The following CSMD1 variants were observed in gnomAD, a reference collection of about 807,000 sequenced individuals.
CSMD1 encodes the protein CUB and sushi domain-containing protein 1.
Under a neutral mutation model 417.5 loss-of-function variants are expected in CSMD1, and 213 were observed. The observed-to-expected ratio is 0.51, with a 90% CI of 0.46 to 0.57. The LOEUF is 0.57. Ranked by LOEUF, CSMD1 falls within the 20% of genes least tolerant of loss-of-function variation. The pLI is 0.00. For synonymous variants in CSMD1, 2,862 were observed against 1,736.8 expected, an observed-to-expected ratio of 1.65 and a Z score of -16.11; for missense variants, 6,923 against 4,529.7, an observed-to-expected ratio of 1.53 and a Z score of -15.17.
intron 1 of CSMD1, among the ~76,000 whole-genome samples, chr8:4,706,251 T>C (rs952914743): frequency 6.6e-6 from 1 of 151,998 alleles, no homozygotes; most frequent in African/African-American, 2.4e-5. Context: ...CCACAACATA[T>C]CTGACCTAAA....
In CSMD1 at chr8:3,998,046, A is replaced by G. The variant is rs1284056094; in HGVS notation, c.675T>C (p.Pro225=). Residue 225 remains proline, a synonymous_variant, in exon 5 of 70, where the codon CCT becomes CCC. Transcript: ENST00000635120. The part of the protein sequence containing the change: ...TSSSISSPHF[P]SEYENNADCT... ...AGTCCGCGTTGTTCTCGTACTCTGA[A>G]GGGAAGTGCGGGCTGGAGATGGAGC... 3 of 1,600,952 alleles carry G rather than the reference A, an allele frequency of 1.9e-6. No homozygotes were observed. The highest frequency in any genetic ancestry group is 8.5e-7 in the Non-Finnish European group (1 of 1,173,198).
intron 8 of CSMD1, among the ~76,000 whole-genome samples, chr8:3,603,374 G>A (rs1036331964): frequency 5.3e-5 from 8 of 152,058 alleles, no homozygotes; most frequent in Admixed American, 3.3e-4. Context: ...GGGGACTTAG[G>A]CGCGGCAGGC....
At chr8:3,651,958 C>T (rs550337749) in intron 7 of CSMD1, among the ~76,000 whole-genome samples, 30 of 150,538 alleles carry the variant, frequency 2.0e-4, no homozygotes, top group Non-Finnish European at 2.8e-4. Context: ...ACCATCAGAG[C>T]GCCATCACCA....
chr8:4,718,591 T>A (rs886992345), intron 1 of CSMD1, among the ~76,000 whole-genome samples: 11 of 151,818 alleles, frequency 7.2e-5, no homozygotes, highest in African/African-American at 2.4e-4. Flanking sequence ...AAGGAGGAGA[T>A]AAACATATAG....
chr8:3,105,365 G>C (rs1002422237), intron 46 of CSMD1, among the ~76,000 whole-genome samples: 1 of 152,194 alleles, frequency 6.6e-6, no homozygotes, highest in African/African-American at 2.4e-5. Flanking sequence ...ATGCTCAAAA[G>C]CACTACATCT....
intron 2 of CSMD1, among the ~76,000 whole-genome samples, chr8:4,530,696 T>C (rs1796767191): frequency 6.6e-6 from 1 of 151,314 alleles, no homozygotes; most frequent in South Asian, 2.1e-4. Flanking sequence ...TAGGGCTGCA[T>C]AGTGTTCCAT....
At chr8:4,661,043 C>T (rs192016864) in intron 1 of CSMD1, among the ~76,000 whole-genome samples, 2 of 152,190 alleles carry the variant, frequency 1.3e-5, no homozygotes, top group East Asian at 1.9e-4. Context: ...CACAGCCACC[C>T]CGGGAAACAG....
At chr8:3,357,181 G>A (rs1463152329) in intron 21 of CSMD1, among the ~76,000 whole-genome samples, 1 of 152,126 alleles carries the variant, frequency 6.6e-6, no homozygotes, top group African/African-American at 2.4e-5. Flanking sequence ...AGGGGCTGGA[G>A]GAAAAATCAG....
chr8:3,961,892 ACTT>A (rs1231949344), intron 5 of CSMD1, among the ~76,000 whole-genome samples: 1 of 152,168 alleles, frequency 6.6e-6, no homozygotes, highest in Non-Finnish European at 1.5e-5. Flanking sequence ...CTGCCTTACG[ACTT>A]CTTGAGTCAT....
At chr8:3,374,177 C>T (rs1387325941) in intron 18 of CSMD1, among the ~76,000 whole-genome samples, 1 of 135,048 alleles carries the variant, frequency 7.4e-6, no homozygotes, top group Non-Finnish European at 1.6e-5. Context: ...TAGTCTCGAA[C>T]TCCTGACCTC....
intron 5 of CSMD1, among the ~76,000 whole-genome samples, chr8:3,919,994 T>G (rs895495255): frequency 7.3e-5 from 11 of 151,494 alleles, no homozygotes; most frequent in African/African-American, 2.7e-4. Flanking sequence ...TATACCAAAT[T>G]TTTTTTTACT....
intron 4 of CSMD1, among the ~76,000 whole-genome samples, chr8:4,023,033 C>T (rs921491647): frequency 6.6e-6 from 1 of 152,210 alleles, no homozygotes; most frequent in Non-Finnish European, 1.5e-5. Context: ...TCTTCCTGAG[C>T]TCACAGATGC....
At chr8:4,374,369 G>A (rs115701291) in intron 3 of CSMD1, among the ~76,000 whole-genome samples, 1 of 152,078 alleles carries the variant, frequency 6.6e-6, no homozygotes, top group African/African-American at 2.4e-5. Context: ...AGGTGTCAGG[G>A]GATATCAGTA....
intron 1 of CSMD1, among the ~76,000 whole-genome samples, chr8:4,976,293 T>C (rs879063537): frequency 6.6e-6 from 1 of 152,208 alleles, no homozygotes; most frequent in Non-Finnish European, 1.5e-5. Context: ...TTTACAAATG[T>C]ATGGAGTAGC....
chr8:4,768,288 G>T (rs1458433254), intron 1 of CSMD1, among the ~76,000 whole-genome samples: 1 of 151,912 alleles, frequency 6.6e-6, no homozygotes, highest in Non-Finnish European at 1.5e-5. Context: ...GCACAGGTAA[G>T]AACCCACCAC....
At chr8:4,728,247 T>C (rs1166541267) in intron 1 of CSMD1, among the ~76,000 whole-genome samples, 4 of 150,048 alleles carry the variant, frequency 2.7e-5, no homozygotes, top group Non-Finnish European at 4.4e-5. Flanking sequence ...CCTAATGATA[T>C]GAAGTAAAAT....
intron 2 of CSMD1, among the ~76,000 whole-genome samples, chr8:4,624,732 G>C (rs1216214014): frequency 2.0e-5 from 3 of 152,076 alleles, no homozygotes; most frequent in South Asian, 2.1e-4. Context: ...CACCTGCTCT[G>C]TTTCGCTGAT....
At chr8:4,151,478 A>C (rs1393709578) in intron 3 of CSMD1, among the ~76,000 whole-genome samples, 2 of 152,236 alleles carry the variant, frequency 1.3e-5, no homozygotes, top group Non-Finnish European at 2.9e-5. Context: ...CTAGTTTAAC[A>C]AACACATTAT....
At chr8:4,251,948 G>A (rs1187220194) in intron 3 of CSMD1, among the ~76,000 whole-genome samples, 1 of 151,402 alleles carries the variant, frequency 6.6e-6, no homozygotes, top group African/African-American at 2.4e-5. Context: ...AGAGTAGAGG[G>A]GAAGAAAGAT....
Sources: gnomAD v4.1 joint callset for allele counts (sites outside exome capture counted in the v4.1 genomes callset) on GRCh38, gnomAD v4.1.1 for gene constraint, MANE v1.5 for transcripts, NCBI Gene and HGNC (gene_info 2026-07-23, HGNC 2026-07-21) for gene names.